KLHL29: variants seen among roughly 807,000 people sequenced by gnomAD.
KLHL29 encodes the protein kelch like family member 29, also known as kelch-like protein 29.
A neutral mutation model predicts 80.4 loss-of-function variants in KLHL29; 21 were observed. The ratio of observed to expected loss-of-function variants is 0.26; its 90% CI spans 0.19 to 0.38. The LOEUF (loss-of-function observed/expected upper bound fraction) is 0.38, where lower values mean the gene tolerates loss of function less well. Ranked by LOEUF, KLHL29 falls within the 10% of genes least tolerant of loss-of-function variation. KLHL29 has a pLI of 1.00. For missense variants in KLHL29, 867 were observed against 1,223.9 expected (o/e 0.71, Z 4.35); for synonymous variants, 511 against 526.8 (o/e 0.97, Z 0.41).
intron 1 of KLHL29, among the ~76,000 whole-genome samples, chr2:23,386,385 C>T (rs1276105578): frequency 6.6e-6 from 1 of 152,176 alleles, no homozygotes; most frequent in African/African-American, 2.4e-5. Context: ...CGAAAACCGT[C>T]GGGAGGGAAC....
At chr2:23,554,325 A>G (rs544809810) in intron 2 of KLHL29, among the ~76,000 whole-genome samples, 3 of 152,372 alleles carry the variant, frequency 2.0e-5, no homozygotes, top group East Asian at 1.9e-4. Context: ...TCGACTTGGC[A>G]GCACGTCTCC....
At chr2:23,521,862 A>G (rs1358105926) in intron 2 of KLHL29, among the ~76,000 whole-genome samples, 1 of 152,220 alleles carries the variant, frequency 6.6e-6, no homozygotes, top group Non-Finnish European at 1.5e-5. Flanking sequence ...ATCAATACTC[A>G]GGGGTCCCGT....
intron 1 of KLHL29, among the ~76,000 whole-genome samples, chr2:23,435,885 T>TTC (rs961171316): frequency 9.9e-5 from 15 of 151,514 alleles, no homozygotes; most frequent in East Asian, 3.9e-4. Context: ...TTTTCTTTCT[T>TTC]TCTCTCTCTC....
rs1046062457 is a variant in KLHL29 at position 23,434,281 on chromosome 2, A to T, written c.-153-41279A>T. 1.0e-4 allele frequency among the ~76,000 whole-genome samples: 13 copies of T among 127,504 alleles called. No individual in the cohort carries two copies. In the Admixed American group the frequency reaches 1.1e-3, roughly 11 times the overall value. 83.6% of individuals were successfully genotyped at this position (127,504 alleles called of 152,430 possible). A position where few individuals can be genotyped will look rare whatever the true frequency, so the allele number is the denominator to read the frequency against. On this transcript the variant is annotated intron_variant, in intron 1 of 13. Transcript: ENST00000486442. The stretch of plus-strand genomic sequence containing the variant: ...GCTTGCAGTGAGCCGAGATTGCGCC[A>T]CCGCACTCCAACCTGGGAGACACAG...
At chr2:23,659,425 GGGT>G (rs1407076122) in intron 5 of KLHL29, among the ~76,000 whole-genome samples, 2 of 152,210 alleles carry the variant, frequency 1.3e-5, no homozygotes, top group African/African-American at 4.8e-5. Context: ...GTGGGTCAGT[GGGT>G]GGACACCAGG....
rs1000752055 is a variant in KLHL29, at chr2:23,708,184, A to G, written c.*1520A>G. On this transcript the variant is annotated 3_prime_UTR_variant, in exon 14 of 14. Coordinates refer to ENST00000486442, the MANE Select transcript of KLHL29 (RefSeq NM_052920.2). ...GTTCTAACGTTGGGCATCAACTTCT[A>G]GCACTACGAGTGTGGCTCCCACTTG... 9 of 152,264 alleles carry G rather than the reference A, an allele frequency of 5.9e-5. No individual in the cohort carries two copies. Among genetic ancestry groups the G allele is most frequent in the African/African-American group, 1.7e-4 (7 of 41,474 alleles). 9.4% of individuals were successfully genotyped at this position (152,264 alleles called of 1,614,324 possible). A position where few individuals can be genotyped will look rare whatever the true frequency, so the allele number is the denominator to read the frequency against.
intron 3 of KLHL29, among the ~76,000 whole-genome samples, chr2:23,603,645 G>A (rs939552633): frequency 1.3e-5 from 2 of 152,280 alleles, no homozygotes; most frequent in Admixed American, 6.5e-5. Context: ...ACCCTTCCTC[G>A]GGTGCTGGAG....
intron 2 of KLHL29, among the ~76,000 whole-genome samples, chr2:23,538,756 T>C (rs1666749520): frequency 6.6e-6 from 1 of 152,226 alleles, no homozygotes; most frequent in African/African-American, 2.4e-5. Context: ...GGGCCTTTGC[T>C]TGTTCCACCA....
intron 1 of KLHL29, among the ~76,000 whole-genome samples, chr2:23,424,636 T>A (rs957560077): frequency 1.3e-5 from 2 of 152,156 alleles, no homozygotes; most frequent in African/African-American, 4.8e-5. Context: ...CTTATATAGG[T>A]CATCTAAATG....
At chr2:23,609,358 T>C (rs1668801769) in intron 3 of KLHL29, among the ~76,000 whole-genome samples, 1 of 152,116 alleles carries the variant, frequency 6.6e-6, no homozygotes, top group Non-Finnish European at 1.5e-5. Flanking sequence ...TGAAGAGTTG[T>C]AAGCTTGGTG....
At chr2:23,576,142 T>C (rs1016349472) in intron 3 of KLHL29, among the ~76,000 whole-genome samples, 17 of 151,978 alleles carry the variant, frequency 1.1e-4, no homozygotes, top group African/African-American at 3.9e-4. Context: ...CCGTCTCTAG[T>C]AAAAATGTGA....
At chr2:23,387,023 T>A (rs1666199974) in intron 1 of KLHL29, among the ~76,000 whole-genome samples, 1 of 151,934 alleles carries the variant, frequency 6.6e-6, no homozygotes, top group Admixed American at 6.5e-5. Flanking sequence ...CCAGAGATGC[T>A]GATGGGTAAG....
Position 23,421,530 on chromosome 2 carries a change from GT to G in KLHL29, c.-154+35751del, listed in dbSNP as rs1227484259. Among the ~76,000 whole-genome samples the G allele has an allele frequency of 2.5e-4, 9 of 36,490 alleles. No homozygotes were observed. In the East Asian group the frequency reaches 4.7e-3, roughly 19 times the overall value. The allele number at this position is 36,490 out of a possible 152,430, so 23.9% of individuals were successfully genotyped here. Reference sequence around the variant, plus strand: ...AAGGAAGGTTTAGACAAGATTGTGTGTGTGTGTGTGTGTGTGTGTGTGTGTG... The same window carrying G: ...AAGGAAGGTTTAGACAAGATTGTGTGGTGTGTGTGTGTGTGTGTGTGTGTG... On this transcript the variant is annotated intron_variant, in intron 1 of 13. Coordinates refer to ENST00000486442, the MANE Select transcript of KLHL29 (RefSeq NM_052920.2).
intron 2 of KLHL29, among the ~76,000 whole-genome samples, chr2:23,561,613 T>G (rs1039736246): frequency 6.6e-6 from 1 of 152,180 alleles, no homozygotes; most frequent in Admixed American, 6.5e-5. Context: ...AAGGGATAAC[T>G]TATTCTCAGT....
chr2:23,650,713 C>T (rs747927923), intron 5 of KLHL29, among the ~76,000 whole-genome samples: 3 of 152,230 alleles, frequency 2.0e-5, no homozygotes, highest in African/African-American at 7.2e-5. Context: ...TACCTGTGCA[C>T]GCCGCTTTCT....
intron 3 of KLHL29, among the ~76,000 whole-genome samples, chr2:23,602,672 C>T (rs890095307): frequency 1.1e-4 from 16 of 149,382 alleles, no homozygotes; most frequent in African/African-American, 3.0e-4. Context: ...AGACTGGTCT[C>T]GAACTCCTGG....
rs961357136 is a variant in KLHL29, at chr2:23,598,757, T to C, written c.285+36276T>C. ...TGCTTATGACTGGGAGTGTTCATCA[T>C]GCGTGGCCCCTGGGCTGTCTTTCTT... On this transcript the variant is annotated intron_variant, in intron 3 of 13. Transcript: ENST00000486442. Among the ~76,000 whole-genome samples, 5 of 152,240 alleles carry C rather than the reference T, an allele frequency of 3.3e-5. No homozygotes were observed. In the East Asian group the frequency reaches 9.6e-4, roughly 29 times the overall value.
intron 5 of KLHL29, among the ~76,000 whole-genome samples, chr2:23,676,417 C>T (rs188060102): frequency 6.6e-6 from 1 of 152,138 alleles, no homozygotes; most frequent in Non-Finnish European, 1.5e-5. Context: ...CTCCTGACCT[C>T]GTGATCTGCC....
chr2:23,399,147 C>T (rs760879998), intron 1 of KLHL29, among the ~76,000 whole-genome samples: 4 of 152,220 alleles, frequency 2.6e-5, no homozygotes, highest in African/African-American at 4.8e-5. Context: ...CTTCACCACT[C>T]AGCCATTCCT....
Sources: allele counts gnomAD v4.1 joint callset (sites outside exome capture counted in the v4.1 genomes callset), GRCh38; gene constraint gnomAD v4.1.1; transcripts MANE v1.5; gene names NCBI Gene and HGNC (gene_info 2026-07-23, HGNC 2026-07-21).